Variants in SEPTIN7 observed in about 807,000 individuals in gnomAD.
SEPTIN7 encodes septin-7.
A neutral mutation model predicts 63.3 loss-of-function variants in SEPTIN7; 10 were observed. The ratio of observed to expected loss-of-function variants is 0.16; its 90% CI spans 0.10 to 0.27. The LOEUF (loss-of-function observed/expected upper bound fraction) is 0.27. Ranked by LOEUF, SEPTIN7 falls within the 10% of genes least tolerant of loss-of-function variation. The probability of loss-of-function intolerance (pLI) is 1.00; values close to 1 mark genes in which losing one functional copy is unlikely to be tolerated. For synonymous variants in SEPTIN7, 131 were observed against 165.3 expected (o/e 0.79, Z 1.59); for missense variants, 310 against 521.0 (o/e 0.59, Z 3.94).
chr7:35,872,848 A>T (rs867217514), intron 5 of SEPTIN7, 82 bp downstream of exon 5: 2 of 934,410 alleles, frequency 2.1e-6, no homozygotes, highest in African/African-American at 1.6e-5. Context: ...ACATTTTAAA[A>T]CTTCTCATCT....
At chr7:35,882,155 G>A (rs1786917678) in intron 7 of SEPTIN7, among the ~76,000 whole-genome samples, 1 of 151,880 alleles carries the variant, frequency 6.6e-6, no homozygotes, top group Admixed American at 6.6e-5. Flanking sequence ...GTAAATAAAT[G>A]ACCTAAAGTC....
chr7:35,869,537 C>G (rs1786021609), intron 4 of SEPTIN7, among the ~76,000 whole-genome samples: 1 of 152,108 alleles, frequency 6.6e-6, no homozygotes, highest in African/African-American at 2.4e-5. Flanking sequence ...AAAATTTTAA[C>G]CCTCTCTTCA....
At chr7:35,839,877 A>T (rs1419009728) in intron 3 of SEPTIN7, among the ~76,000 whole-genome samples, 1 of 152,098 alleles carries the variant, frequency 6.6e-6, no homozygotes, top group Admixed American at 6.6e-5. Context: ...TTACTGATGG[A>T]CACTAGGTTT....
chr7:35,872,603 C>T (rs1786218509), intron 4 of SEPTIN7, 63 bp from the exon 5 acceptor site: 1 of 1,255,240 alleles, frequency 8.0e-7, no homozygotes, highest in Admixed American at 1.7e-5. Flanking sequence ...CCTACCATCA[C>T]CCCTTGTAGG....
intron 1 of SEPTIN7, among the ~76,000 whole-genome samples, chr7:35,807,907 C>G (rs983956685): frequency 2.6e-5 from 4 of 152,096 alleles, no homozygotes; most frequent in African/African-American, 9.7e-5. Context: ...ACTGCAACCT[C>G]TGCCTCCTGG....
At chr7:35,895,778 G>A (rs746681049) in intron 11 of SEPTIN7, among the ~76,000 whole-genome samples, 9 of 152,050 alleles carry the variant, frequency 5.9e-5, no homozygotes, top group Non-Finnish European at 1.2e-4. Flanking sequence ...TGTAAGGCAG[G>A]GGATTTTAAA....
At chr7:35,827,584 A>G (rs1020992475) in intron 1 of SEPTIN7, among the ~76,000 whole-genome samples, 1 of 152,104 alleles carries the variant, frequency 6.6e-6, no homozygotes, top group Admixed American at 6.5e-5. Flanking sequence ...TTTGCCTCCC[A>G]GGTTCAAGTG....
chr7:35,915,127 A>ATACACATG, the SEPTIN7 span, among the ~76,000 whole-genome samples: 3 of 151,464 alleles, frequency 2.0e-5, no homozygotes, highest in African/African-American at 7.3e-5. Flanking sequence ...ACATGTGTAT[A>ATACACATG]TATACATGCA....
chr7:35,899,764 G>T (rs1788198795), intron 12 of SEPTIN7: 2 of 152,072 alleles, frequency 1.3e-5, no homozygotes, highest in Non-Finnish European at 1.5e-5. Context: ...TGCACCTATG[G>T]TCCCAACTAC....
intron 4 of SEPTIN7, among the ~76,000 whole-genome samples, chr7:35,866,363 T>C (rs1195495974): frequency 6.6e-6 from 1 of 152,184 alleles, no homozygotes; most frequent in East Asian, 1.9e-4. Flanking sequence ...GATCTGCCCT[T>C]GGAAGCTAAT....
chr7:35,829,128 CTTTTT>C (rs71553032), intron 1 of SEPTIN7, among the ~76,000 whole-genome samples: 211 of 61,076 alleles, frequency 3.5e-3, no homozygotes, highest in African/African-American at 0.014. Context: ...CATGGACCTT[CTTTTT>C]TTTTTTTTTT....
At chr7:35,803,106 C>T (rs1190699305) in intron 1 of SEPTIN7, 3 of 890,238 alleles carry the variant, frequency 3.4e-6, no homozygotes, top group Non-Finnish European at 4.0e-6. Context: ...TAGTTCTTAT[C>T]CTTTAAAAAG....
At chr7:35,875,791 A>G (rs1180012132) in intron 6 of SEPTIN7, among the ~76,000 whole-genome samples, 2 of 152,166 alleles carry the variant, frequency 1.3e-5, no homozygotes, top group South Asian at 4.1e-4. Flanking sequence ...ACATACATAC[A>G]TACAAAAAAA....
intron 8 of SEPTIN7, among the ~76,000 whole-genome samples, chr7:35,883,196 A>G (rs1201318110): frequency 6.6e-6 from 1 of 152,154 alleles, no homozygotes; most frequent in South Asian, 2.1e-4. Flanking sequence ...ATTAAAAACA[A>G]TAAAAACCAA....
chr7:35,889,232 A>G (rs1787484870), intron 10 of SEPTIN7, among the ~76,000 whole-genome samples: 1 of 152,214 alleles, frequency 6.6e-6, no homozygotes, highest in African/African-American at 2.4e-5. Context: ...CAGCCGCCAG[A>G]TATGCCAGGA....
chr7:35,816,052 G>A (rs1195561484), intron 1 of SEPTIN7, among the ~76,000 whole-genome samples: 2 of 152,156 alleles, frequency 1.3e-5, no homozygotes, highest in Non-Finnish European at 2.9e-5. Flanking sequence ...GTAGTGTACA[G>A]TACATGCTTG....
chr7:35,816,155 G>A (rs959483032), intron 1 of SEPTIN7, among the ~76,000 whole-genome samples: 9 of 152,120 alleles, frequency 5.9e-5, no homozygotes, highest in African/African-American at 2.2e-4. Flanking sequence ...TCAGGGTTGT[G>A]CAACCATTGT....
intron 1 of SEPTIN7, among the ~76,000 whole-genome samples, chr7:35,807,912 TC>T (rs1788456503): frequency 6.6e-6 from 1 of 152,070 alleles, no homozygotes; most frequent in Non-Finnish European, 1.5e-5. Context: ...AACCTCTGCC[TC>T]CTGGGTTCAA....
chr7:35,866,090 G>A (rs1234870930), intron 4 of SEPTIN7, among the ~76,000 whole-genome samples: 2 of 152,172 alleles, frequency 1.3e-5, no homozygotes, highest in African/African-American at 4.8e-5. Context: ...AGGAAGACCT[G>A]TAACATTTGA....
Sources: allele counts gnomAD v4.1 joint callset (sites outside exome capture counted in the v4.1 genomes callset), GRCh38; gene constraint gnomAD v4.1.1; transcripts MANE v1.5; gene names NCBI Gene and HGNC (gene_info 2026-07-23, HGNC 2026-07-21).